Variants in SFMBT2 observed in about 807,000 individuals in gnomAD.
SFMBT2 encodes the protein scm-like with four MBT domains protein 2.
Under a neutral mutation model 110.1 loss-of-function variants are expected in SFMBT2, and 38 were observed. The ratio of observed to expected loss-of-function variants is 0.35; its 90% CI spans 0.27 to 0.45. The LOEUF (loss-of-function observed/expected upper bound fraction) is 0.45. Among genes scored for constraint, SFMBT2 ranks in the 20% least tolerant of loss-of-function variants. SFMBT2 has a pLI of 1.00. For missense variants in SFMBT2, 1,011 were observed against 1,094.9 expected, an observed-to-expected ratio of 0.92 and a Z score of 1.08; for synonymous variants, 425 against 425.4, an observed-to-expected ratio of 1.00 and a Z score of 0.01.
rs1280485010 is a variant in SFMBT2 at position 7,171,873 on chromosome 10, T to C, written c.2415+22A>G. The C allele has an allele frequency of 9.2e-6, 13 of 1,405,982 alleles. No homozygotes were observed. Among genetic ancestry groups the C allele is most frequent in the Non-Finnish European group, 1.2e-5 (13 of 1,083,056 alleles). The allele number at this position is 1,405,982 out of a possible 1,614,324, so 87.1% of individuals were successfully genotyped here. On this transcript the variant is annotated intron_variant, in intron 19 of 20. Coordinates refer to ENST00000397167, the MANE Select transcript of SFMBT2 (RefSeq NM_001387889.1). This position sits in a 1 kb window ranked among gnomAD's most constrained non-coding sequence, Gnocchi z 4.9. ...TCTTCAGACCCAGCGGGAAGCCCTCTGTCCCCACGCCCGGGCATCACCTCT... is the reference window on the plus strand; with the variant it reads ...TCTTCAGACCCAGCGGGAAGCCCTCCGTCCCCACGCCCGGGCATCACCTCT...
intron 1 of SFMBT2, among the ~76,000 whole-genome samples, chr10:7,385,216 A>G (rs1471834106): frequency 1.3e-5 from 2 of 152,068 alleles, no homozygotes; most frequent in African/African-American, 4.8e-5. Flanking sequence ...TAAGATATGC[A>G]CCCTCCACCC....
intron 5 of SFMBT2, chr10:7,285,025 C>T (rs1038493525): frequency 3.3e-5 from 5 of 152,124 alleles, no homozygotes; most frequent in South Asian, 4.1e-4. Context: ...TAGACTATGA[C>T]GTTCTAAAAT....
rs75595067 is a variant in SFMBT2, at chr10:7,291,166, G to A, written c.437-5212C>T. 9.6e-3 allele frequency among the ~76,000 whole-genome samples: 1,467 copies of A among 152,344 alleles called. 13 individuals are homozygous for A. Among genetic ancestry groups the A allele is most frequent in the South Asian group, 0.034 (162 of 4,832 alleles). ...TCACAGGAGAACAGACAGGTCTGCT[G>A]AGACCAGCTGCCCCAGGCCTACCCA... is the stretch of plus-strand genomic sequence containing the variant. On this transcript the variant is annotated intron_variant, in intron 4 of 20. Coordinates refer to ENST00000397167, the MANE Select transcript of SFMBT2 (RefSeq NM_001387889.1).
chr10:7,238,979 G>A lies in SFMBT2; in HGVS notation c.1120+4579C>T, dbSNP rs2762577. On this transcript the variant is annotated intron_variant, in intron 9 of 20. Coordinates refer to ENST00000397167, the MANE Select transcript of SFMBT2 (RefSeq NM_001387889.1). Reference sequence around the variant, plus strand: ...TAAAATCTCCAACATTCTAACTTTTGCTTACCAGGAAAATCCTTACTACAC... The same window carrying A: ...TAAAATCTCCAACATTCTAACTTTTACTTACCAGGAAAATCCTTACTACAC... Among the ~76,000 whole-genome samples the A allele has an allele frequency of 9.1e-3, 1,386 of 152,158 alleles. 25 individuals are homozygous for A. The highest frequency in any genetic ancestry group is 0.03 in the African/African-American group (1,243 of 41,500).
intron 1 of SFMBT2, among the ~76,000 whole-genome samples, chr10:7,392,344 G>C (rs1845792086): frequency 6.6e-6 from 1 of 152,126 alleles, no homozygotes; most frequent in African/African-American, 2.4e-5. Flanking sequence ...CAGAAACTCA[G>C]TCTCTACTAA....
intron 4 of SFMBT2, among the ~76,000 whole-genome samples, chr10:7,349,960 G>T (rs781563420): frequency 7.9e-5 from 12 of 152,092 alleles, no homozygotes; most frequent in Non-Finnish European, 1.5e-4. Context: ...AGGCAATAAG[G>T]CTACGTCAGC....
At chr10:7,185,098 A>G (rs1460099067) in intron 16 of SFMBT2, among the ~76,000 whole-genome samples, 1 of 152,178 alleles carries the variant, frequency 6.6e-6, no homozygotes, top group African/African-American at 2.4e-5. Flanking sequence ...ACACATGGGC[A>G]TGTATGTTTA....
chr10:7,380,380 CAT>C (rs749614785), intron 2 of SFMBT2, among the ~76,000 whole-genome samples: 7 of 152,334 alleles, frequency 4.6e-5, no homozygotes, highest in Admixed American at 2.0e-4. Context: ...GGCCTTCCCT[CAT>C]GTGAGGGTTT....
intron 12 of SFMBT2, chr10:7,204,493 C>T (rs962093935): frequency 3.1e-6 from 3 of 967,022 alleles, no homozygotes; most frequent in Non-Finnish European, 3.6e-6. Flanking sequence ...TTCTGATATG[C>T]ATTAGGGTAG....
chr10:7,400,064 A>G (rs1846031401), intron 1 of SFMBT2, among the ~76,000 whole-genome samples: 6 of 152,026 alleles, frequency 3.9e-5, no homozygotes, highest in Admixed American at 3.9e-4. Flanking sequence ...AGGGGCAGGC[A>G]GGGTGAGCTC....
intron 16 of SFMBT2, among the ~76,000 whole-genome samples, chr10:7,183,416 G>A (rs1417027714): frequency 6.6e-6 from 1 of 152,186 alleles, no homozygotes; most frequent in Non-Finnish European, 1.5e-5. Context: ...ATCAACAGTG[G>A]AAAACACAGG....
intron 7 of SFMBT2, among the ~76,000 whole-genome samples, chr10:7,270,779 T>C (rs1169141125): frequency 3.3e-5 from 5 of 152,210 alleles, no homozygotes; most frequent in Non-Finnish European, 2.9e-5. Flanking sequence ...GGTAAGGTAA[T>C]TGTATTTTGG....
chr10:7,284,453 T>A, intron 5 of SFMBT2: 1 of 1,101,178 alleles, frequency 9.1e-7, no homozygotes, highest in Non-Finnish European at 1.1e-6. Flanking sequence ...TTGCTTTTGT[T>A]AACAATCAGT....
intron 4 of SFMBT2, among the ~76,000 whole-genome samples, chr10:7,302,699 A>G (rs1350128758): frequency 1.3e-5 from 2 of 152,224 alleles, no homozygotes; most frequent in Non-Finnish European, 2.9e-5. Flanking sequence ...TTATTAAAGG[A>G]AAACTGTTGA....
At chr10:7,191,229 C>T (rs890974334) in intron 15 of SFMBT2, among the ~76,000 whole-genome samples, 2 of 152,242 alleles carry the variant, frequency 1.3e-5, no homozygotes, top group African/African-American at 2.4e-5. Context: ...CACTCAACAG[C>T]GCCTTTTCCT....
At chr10:7,188,179 C>A (rs569725451) in intron 16 of SFMBT2, among the ~76,000 whole-genome samples, 1 of 152,190 alleles carries the variant, frequency 6.6e-6, no homozygotes, top group Non-Finnish European at 1.5e-5. Flanking sequence ...CAAACATGCA[C>A]GGGTTCCTTT....
chr10:7,361,889 G>A (rs974061577), intron 4 of SFMBT2, among the ~76,000 whole-genome samples: 2 of 152,098 alleles, frequency 1.3e-5, no homozygotes, highest in Admixed American at 6.6e-5. Flanking sequence ...GGCAGGCACC[G>A]ACTAAATCTC....
At chr10:7,403,459 A>G (rs1375128342) in intron 1 of SFMBT2, among the ~76,000 whole-genome samples, 1 of 152,066 alleles carries the variant, frequency 6.6e-6, no homozygotes, top group Non-Finnish European at 1.5e-5. Flanking sequence ...CCTGGCCAAC[A>G]TGGTGAAACC....
At chr10:7,195,842 G>C (rs145399202) in intron 15 of SFMBT2, among the ~76,000 whole-genome samples, 5 of 152,090 alleles carry the variant, frequency 3.3e-5, no homozygotes, top group Non-Finnish European at 7.4e-5. Context: ...CTTTCCCATC[G>C]ACTGGACGCT....
Sources: gnomAD v4.1 joint callset for allele counts (sites outside exome capture counted in the v4.1 genomes callset) on GRCh38, gnomAD v4.1.1 for gene constraint, Gnocchi (gnomAD v3.1) non-coding constraint, MANE v1.5 for transcripts, NCBI Gene and HGNC (gene_info 2026-07-23, HGNC 2026-07-21) for gene names.